SEMA3A: variants seen among roughly 807,000 people sequenced by gnomAD.
SEMA3A encodes the protein semaphorin 3A.
Under a neutral mutation model 97.9 loss-of-function variants are expected in SEMA3A, and 29 were observed. That is an observed-to-expected ratio of 0.30 (90% CI 0.22 to 0.40). The LOEUF is 0.40. Among genes scored for constraint, SEMA3A ranks in the 10% least tolerant of loss-of-function variants. The pLI is 1.00. For missense variants in SEMA3A, 763 were observed against 951.3 expected (o/e 0.80, Z 2.60); for synonymous variants, 321 against 323.7 (o/e 0.99, Z 0.09).
intron 1 of SEMA3A, among the ~76,000 whole-genome samples, chr7:84,477,601 CTTG>C (rs934363528): frequency 6.6e-6 from 1 of 151,900 alleles, no homozygotes; most frequent in Non-Finnish European, 1.5e-5. Context: ...GCTAAATTTG[CTTG>C]TTTTTTCATC....
intron 4 of SEMA3A, among the ~76,000 whole-genome samples, chr7:84,071,861 G>C (rs1431027766): frequency 6.6e-6 from 1 of 152,022 alleles, no homozygotes; most frequent in Non-Finnish European, 1.5e-5. Context: ...ATGAATGAGT[G>C]AAAAAATTAG....
chr7:84,258,430 T>C (rs1464436830), intron 3 of SEMA3A, among the ~76,000 whole-genome samples: 1 of 152,052 alleles, frequency 6.6e-6, no homozygotes, highest in Non-Finnish European at 1.5e-5. Flanking sequence ...AAAGAGAAAA[T>C]GTGACATAGT....
At chr7:83,963,162 T>G (rs774892934) in intron 16 of SEMA3A, 43 bp downstream of exon 16, 5 of 1,597,230 alleles carry the variant, frequency 3.1e-6, no homozygotes, top group Middle Eastern at 1.7e-4. Flanking sequence ...CATTTAACAG[T>G]GTATCTTAGA....
At chr7:84,016,030 T>C (rs1408070185) in intron 6 of SEMA3A, among the ~76,000 whole-genome samples, 1 of 152,126 alleles carries the variant, frequency 6.6e-6, no homozygotes. Flanking sequence ...AGCTTTCTTT[T>C]GTTCAAAAAT....
chr7:84,454,153 A>G (rs1164354061), intron 1 of SEMA3A, among the ~76,000 whole-genome samples: 1 of 152,200 alleles, frequency 6.6e-6, no homozygotes, highest in African/African-American at 2.4e-5. Flanking sequence ...TTTAAAATGT[A>G]AAAATGTAAA....
chr7:83,988,676 T>A (rs1196875901), intron 12 of SEMA3A, among the ~76,000 whole-genome samples: 1 of 152,092 alleles, frequency 6.6e-6, no homozygotes, highest in Non-Finnish European at 1.5e-5. Flanking sequence ...GTTTCCAATT[T>A]TTATACCTTA....
intron 5 of SEMA3A, among the ~76,000 whole-genome samples, chr7:84,049,289 C>G (rs114538193): frequency 0.014 from 2,128 of 152,134 alleles, 49 homozygotes; most frequent in African/African-American, 0.049. Context: ...AGGGCACATT[C>G]CCATCTTGTC....
intron 2 of SEMA3A, among the ~76,000 whole-genome samples, chr7:84,365,051 A>C (rs1028556711): frequency 2.0e-5 from 3 of 151,566 alleles, no homozygotes; most frequent in African/African-American, 7.3e-5. Context: ...CTACAAAGGG[A>C]ATAAAAAAAA....
At chr7:84,186,234 A>G (rs73709588) in intron 1 of SEMA3A, among the ~76,000 whole-genome samples, 8,344 of 152,232 alleles carry the variant, frequency 0.055, 312 homozygotes, top group Middle Eastern at 0.065. Context: ...ATCTTTAGGT[A>G]GATGTGACAT....
intron 1 of SEMA3A, among the ~76,000 whole-genome samples, chr7:84,403,653 C>T (rs572118297): frequency 6.5e-4 from 99 of 152,256 alleles, no homozygotes; most frequent in African/African-American, 2.2e-3. Context: ...CCAGTAGGGG[C>T]GGACTGACAC....
intron 2 of SEMA3A, among the ~76,000 whole-genome samples, chr7:84,343,990 T>A (rs1802234539): frequency 6.6e-6 from 1 of 151,488 alleles, no homozygotes; most frequent in Non-Finnish European, 1.5e-5. Context: ...TCTGGGCAAC[T>A]GAGTGACACT....
At chr7:84,045,046 A>C (rs1022206451) in intron 6 of SEMA3A, among the ~76,000 whole-genome samples, 5 of 151,996 alleles carry the variant, frequency 3.3e-5, no homozygotes, top group Non-Finnish European at 5.9e-5. Flanking sequence ...TTGAGTAGTC[A>C]CTTTGAAGTA....
intron 13 of SEMA3A, among the ~76,000 whole-genome samples, chr7:83,982,270 G>T (rs1452270930): frequency 6.6e-6 from 1 of 151,940 alleles, no homozygotes; most frequent in African/African-American, 2.4e-5. Flanking sequence ...ATGTTTAATA[G>T]GTCTTTAAAG....
intron 1 of SEMA3A, among the ~76,000 whole-genome samples, chr7:84,185,020 G>A (rs1584097470): frequency 6.6e-6 from 1 of 152,252 alleles, no homozygotes; most frequent in Admixed American, 6.6e-5. Flanking sequence ...CTCAAGACCT[G>A]TGTCCAAATC....
chr7:84,186,745 A>C (rs1363038314), intron 1 of SEMA3A, among the ~76,000 whole-genome samples: 22 of 151,412 alleles, frequency 1.5e-4, no homozygotes, highest in Non-Finnish European at 2.9e-5. Context: ...TGTCACAATA[A>C]CTACATATTT....
intron 2 of SEMA3A, among the ~76,000 whole-genome samples, chr7:84,352,405 G>A (rs1287054707): frequency 6.6e-6 from 1 of 151,824 alleles, no homozygotes; most frequent in Non-Finnish European, 1.5e-5. Flanking sequence ...ATATCACAAA[G>A]AAAGGATAAA....
intron 1 of SEMA3A, among the ~76,000 whole-genome samples, chr7:84,409,554 A>T (rs1804203929): frequency 6.6e-6 from 1 of 152,066 alleles, no homozygotes; most frequent in South Asian, 2.1e-4. Context: ...CATTTAACTT[A>T]GTATTTACTT....
intron 3 of SEMA3A, among the ~76,000 whole-genome samples, chr7:84,233,342 T>C (rs1799160064): frequency 6.6e-6 from 1 of 151,958 alleles, no homozygotes; most frequent in African/African-American, 2.4e-5. Flanking sequence ...TGGCTACTTA[T>C]ATAACCTCAC....
chr7:84,405,195 G>T (rs368608078), intron 1 of SEMA3A, among the ~76,000 whole-genome samples: 5 of 152,206 alleles, frequency 3.3e-5, no homozygotes, highest in East Asian at 3.9e-4. Context: ...AAGGGATGGA[G>T]GAAGATCTAC....
Sources: gnomAD v4.1 joint callset for allele counts (sites outside exome capture counted in the v4.1 genomes callset) on GRCh38, gnomAD v4.1.1 for gene constraint, MANE v1.5 for transcripts, NCBI Gene and HGNC (gene_info 2026-07-23, HGNC 2026-07-21) for gene names.